SYNDIG1: variants seen among roughly 807,000 people sequenced by gnomAD.
SYNDIG1 encodes synapse differentiation-inducing gene protein 1.
Under a neutral mutation model 19.4 loss-of-function variants are expected in SYNDIG1, and 9 were observed. That is an observed-to-expected ratio of 0.46 (90% CI 0.28 to 0.81). The LOEUF (loss-of-function observed/expected upper bound fraction) is 0.81. Ranked by LOEUF, SYNDIG1 falls within the 30% of genes least tolerant of loss-of-function variation. The pLI, the probability that SYNDIG1 is intolerant of heterozygous loss-of-function variation, is 0.12. For missense variants in SYNDIG1, 311 were observed against 343.3 expected (o/e 0.91, Z 0.74); for synonymous variants, 141 against 145.9 (o/e 0.97, Z 0.24).
intron 3 of SYNDIG1, among the ~76,000 whole-genome samples, chr20:24,661,717 C>A (rs1344146449): frequency 6.6e-6 from 1 of 151,910 alleles, no homozygotes; most frequent in African/African-American, 2.4e-5. Flanking sequence ...GAAGGGGAGA[C>A]ACGAGGGGAC....
At chr20:24,500,259 A>C (rs987671708) in intron 1 of SYNDIG1, among the ~76,000 whole-genome samples, 1 of 152,232 alleles carries the variant, frequency 6.6e-6, no homozygotes, top group Non-Finnish European at 1.5e-5. Context: ...GTTTCTTTAA[A>C]AGTGAATAAA....
intron 2 of SYNDIG1, among the ~76,000 whole-genome samples, chr20:24,568,666 A>T (rs897046948): frequency 2.0e-5 from 3 of 152,232 alleles, no homozygotes; most frequent in African/African-American, 7.2e-5. Flanking sequence ...AGCAGACAGG[A>T]TTTCCAAAAC....
intron 1 of SYNDIG1, among the ~76,000 whole-genome samples, chr20:24,512,400 A>C (rs1490204162): frequency 6.6e-6 from 1 of 151,698 alleles, no homozygotes; most frequent in Non-Finnish European, 1.5e-5. Context: ...CCAAAGGAAG[A>C]GGTGATAGAC....
intron 1 of SYNDIG1, among the ~76,000 whole-genome samples, chr20:24,512,749 G>C (rs2056777090): frequency 6.6e-6 from 1 of 152,182 alleles, no homozygotes; most frequent in African/African-American, 2.4e-5. Context: ...AGACTTAAAT[G>C]TGTCTGTCTG....
intron 3 of SYNDIG1, among the ~76,000 whole-genome samples, chr20:24,661,530 A>AGG (rs1568723386): frequency 4.9e-3 from 36 of 7,348 alleles, no homozygotes; most frequent in East Asian, 0.011. Context: ...AGGGAGGAAA[A>AGG]AAGGAGGAAG....
chr20:24,479,799 C>T (rs1600385662), intron 1 of SYNDIG1, among the ~76,000 whole-genome samples: 1 of 152,308 alleles, frequency 6.6e-6, no homozygotes, highest in African/African-American at 2.4e-5. Context: ...CTCTGGGGCG[C>T]TCCTCTCGAA....
chr20:24,535,585 G>A (rs2146664139), intron 1 of SYNDIG1, among the ~76,000 whole-genome samples: 1 of 152,154 alleles, frequency 6.6e-6, no homozygotes, highest in South Asian at 2.1e-4. Flanking sequence ...TAAACTGTGT[G>A]CACATTCAGG....
At chr20:24,614,543 T>C (rs933539933) in intron 3 of SYNDIG1, among the ~76,000 whole-genome samples, 2 of 150,194 alleles carry the variant, frequency 1.3e-5, no homozygotes, top group Non-Finnish European at 2.9e-5. Flanking sequence ...AATTTAAGAC[T>C]CTGGAGTGAT....
At chr20:24,620,095 C>T (rs1461681133) in intron 3 of SYNDIG1, among the ~76,000 whole-genome samples, 1 of 152,242 alleles carries the variant, frequency 6.6e-6, no homozygotes, top group Non-Finnish European at 1.5e-5. Flanking sequence ...CTTCAAGCCA[C>T]AATCTATGTG....
chr20:24,610,562 A>T (rs1370801400), intron 3 of SYNDIG1, among the ~76,000 whole-genome samples: 1 of 152,210 alleles, frequency 6.6e-6, no homozygotes, highest in African/African-American at 2.4e-5. Flanking sequence ...AGATTTATGC[A>T]TTGCCTGATT....
At chr20:24,550,336 G>A (rs1223962455) in intron 2 of SYNDIG1, among the ~76,000 whole-genome samples, 2 of 152,102 alleles carry the variant, frequency 1.3e-5, no homozygotes, top group Non-Finnish European at 2.9e-5. Context: ...GTTTCCTTTG[G>A]ATAAATGCCA....
chr20:24,565,741 A>C (rs1477833710), intron 2 of SYNDIG1, among the ~76,000 whole-genome samples: 1 of 151,784 alleles, frequency 6.6e-6, no homozygotes, highest in Non-Finnish European at 1.5e-5. Flanking sequence ...AGCAGCCCCA[A>C]CTCCCACCTT....
intron 2 of SYNDIG1, among the ~76,000 whole-genome samples, chr20:24,551,125 T>G (rs1193399524): frequency 6.6e-6 from 1 of 152,256 alleles, no homozygotes; most frequent in Non-Finnish European, 1.5e-5. Flanking sequence ...TGAAGGCATT[T>G]GGGCCTGGCC....
At chr20:24,665,207 G>A (rs1312857451) in intron 3 of SYNDIG1, 139 bp from the exon 4 acceptor site, 2 of 1,039,760 alleles carry the variant, frequency 1.9e-6, no homozygotes, top group African/African-American at 3.2e-5. Flanking sequence ...GTCATAGCAG[G>A]GGTGAGCACA....
intron 1 of SYNDIG1, chr20:24,495,703 C>T (rs556772273): frequency 9.9e-5 from 15 of 152,270 alleles, no homozygotes; most frequent in African/African-American, 3.4e-4. Context: ...ATGCACAAAA[C>T]GAGAGTAATT....
At chr20:24,655,285 A>G (rs2059513583) in intron 3 of SYNDIG1, among the ~76,000 whole-genome samples, 1 of 152,242 alleles carries the variant, frequency 6.6e-6, no homozygotes, top group Non-Finnish European at 1.5e-5. Context: ...AACTGAAGCC[A>G]GAAGAAAAGA....
At position 24,490,540 on chromosome 20, in the gene SYNDIG1, T is replaced by A. The variant is rs139606109; in HGVS notation, c.-79+20787T>A. 4.2e-4 allele frequency among the ~76,000 whole-genome samples: 64 copies of A among 152,286 alleles called. No homozygotes were observed. The East Asian group carries it at 0.012, about 29-fold the overall frequency. On this transcript the variant is annotated intron_variant, in intron 1 of 3. Coordinates refer to ENST00000376862, the MANE Select transcript of SYNDIG1 (RefSeq NM_024893.3). ...TTGGACCCTGGCTCGCCCCTAGCCC[T>A]TGGGAGATCATTCAACCTCTCTGTG...
chr20:24,572,067 T>C (rs914685969), intron 2 of SYNDIG1, among the ~76,000 whole-genome samples: 3 of 152,230 alleles, frequency 2.0e-5, no homozygotes, highest in Non-Finnish European at 4.4e-5. Context: ...ACTTCTCTGC[T>C]ATATAAACCC....
chr20:24,528,209 A>G (rs2057167812), intron 1 of SYNDIG1, among the ~76,000 whole-genome samples: 1 of 152,218 alleles, frequency 6.6e-6, no homozygotes, highest in Admixed American at 6.5e-5. Context: ...TTTTAATTTC[A>G]CTGATGTATT....
Sources: allele counts gnomAD v4.1 joint callset (sites outside exome capture counted in the v4.1 genomes callset), GRCh38; gene constraint gnomAD v4.1.1; transcripts MANE v1.5; gene names NCBI Gene and HGNC (gene_info 2026-07-23, HGNC 2026-07-21).